MTMR10: variants seen among roughly 807,000 people sequenced by gnomAD.
MTMR10 encodes the protein myotubularin related protein 10.
In MTMR10, 56 loss-of-function variants were observed where a neutral mutation model predicts 88.1. That is an observed-to-expected ratio of 0.64 (90% CI 0.51 to 0.79). The LOEUF is 0.79. MTMR10 is among the 30% of genes least tolerant of loss of function. MTMR10 has a pLI of 0.00. For missense variants in MTMR10, 883 were observed against 924.7 expected (o/e 0.95, Z 0.58); for synonymous variants, 380 against 340.9 (o/e 1.11, Z -1.26).
At position 30,959,259 on chromosome 15, in the gene MTMR10, G is replaced by A. The variant is rs530011713; in HGVS notation, c.759-138C>T. The A allele has an allele frequency of 3.0e-5, 22 of 722,998 alleles. No homozygotes were observed. The South Asian group carries it at 3.9e-4, about 13-fold the overall frequency. 44.8% of individuals were successfully genotyped at this position (722,998 alleles called of 1,614,324 possible). A position where few individuals can be genotyped will look rare whatever the true frequency, so the allele number is the denominator to read the frequency against. On this transcript the variant is annotated intron_variant, in intron 7 of 15. Transcript: ENST00000435680. ...TTAGTAGCCACATGGTGGGCACCAT[G>A]GGGGGGCAGTGACGATCCTACACCT...
At chr15:30,928,631 C>T in the MTMR10 span, 27 of 1,613,496 alleles carry the variant, frequency 1.7e-5, no homozygotes, top group East Asian at 4.5e-5. Flanking sequence ...GATGGGATTC[C>T]GGATGTCTTC....
In MTMR10 at chr15:30,960,948, T is replaced by C. The variant is rs2063393525; in HGVS notation, c.691A>G (p.Ile231Val). Residue 231 changes from isoleucine (I) to valine (V), a missense_variant, in exon 7 of 16, where the codon ATC becomes GTC. Coordinates refer to ENST00000435680, the MANE Select transcript of MTMR10 (RefSeq NM_017762.3). ...CACCCGGAAGCACCTGTCCTCTTGA[T>C]TTCTCTGTCCCAATCCGAGTAAGTT... ...FETYSDWDRE[I>V]KRTGASGWRV... The C allele has an allele frequency of 6.2e-7, 1 of 1,611,838 alleles. No individual in the cohort carries two copies. Among genetic ancestry groups the C allele is most frequent in the African/African-American group, 1.3e-5 (1 of 74,900 alleles).
At chr15:30,935,641 G>C (rs928501412), downstream of MTMR10, among the ~76,000 whole-genome samples, 5 of 152,226 alleles carry the variant, frequency 3.3e-5, no homozygotes, top group South Asian at 4.2e-4. Flanking sequence ...GGTAACAGAG[G>C]GGGTCCTTGA....
At chr15:30,965,284 T>G (rs2063459715) in intron 6 of MTMR10, among the ~76,000 whole-genome samples, 1 of 152,220 alleles carries the variant, frequency 6.6e-6, no homozygotes, top group Non-Finnish European at 1.5e-5. Flanking sequence ...AATAACAAGA[T>G]CTATGTTAAT....
At chr15:30,931,785 G>C in the MTMR10 span, among the ~76,000 whole-genome samples, 4 of 152,166 alleles carry the variant, frequency 2.6e-5, no homozygotes, top group Non-Finnish European at 5.9e-5. Context: ...CTGTTTGTCT[G>C]TATTTCTTGA....
chr15:30,943,852 CA>C, intron 14 of MTMR10: 1 of 985,410 alleles, frequency 1.0e-6, no homozygotes, highest in Non-Finnish European at 1.2e-6. Context: ...TCACATTTAG[CA>C]ATGTGGAGAA....
downstream of MTMR10, chr15:30,936,993 C>A: frequency 2.7e-6 from 2 of 744,800 alleles, no homozygotes; most frequent in East Asian, 2.5e-5. Flanking sequence ...ATTTGTGTTA[C>A]ACTTACAAAT....
chr15:30,968,578 A>AC (rs1555410069), intron 5 of MTMR10, among the ~76,000 whole-genome samples: 25 of 91,658 alleles, frequency 2.7e-4, no homozygotes, highest in African/African-American at 1.2e-3. Context: ...CACACACACA[A>AC]ACTGTGTTTA....
Position 30,947,147 on chromosome 15 carries a change from G to A in MTMR10, c.1531C>T (p.Arg511Ter), listed in dbSNP as rs1354565885. ...GTFLFNSPHQ[R>*]VKQSTEFAIS... The stretch of plus-strand genomic sequence containing the variant: ...TTGCTTACCGTGCTTTGCTTCACTC[G>A]CTGGTGAGGGGAGTTGAACAGGAAG... Residue 511 changes from arginine (R) to a stop codon, truncating the protein, a stop_gained, in exon 14 of 16, where the codon CGA becomes TGA. Coordinates refer to ENST00000435680, the MANE Select transcript of MTMR10 (RefSeq NM_017762.3). LOFTEE classifies it high-confidence loss of function. 6 of 1,606,144 alleles carry A rather than the reference G, an allele frequency of 3.7e-6. No individual in the cohort carries two copies. The highest frequency in any genetic ancestry group is 3.4e-6 in the Non-Finnish European group (4 of 1,177,112).
intron 2 of MTMR10, among the ~76,000 whole-genome samples, chr15:30,989,069 T>C (rs146326240): frequency 8.5e-5 from 13 of 152,114 alleles, no homozygotes; most frequent in African/African-American, 3.1e-4. Flanking sequence ...GACCATGTTG[T>C]TTCTGAGTGT....
At chr15:30,920,929 G>A in the MTMR10 span, among the ~76,000 whole-genome samples, 4 of 152,100 alleles carry the variant, frequency 2.6e-5, no homozygotes, top group Admixed American at 6.5e-5. Context: ...GACTACAGGC[G>A]TGCGCCACCA....
intron 9 of MTMR10, among the ~76,000 whole-genome samples, chr15:30,957,839 G>T (rs1043119518): frequency 6.6e-6 from 1 of 152,216 alleles, no homozygotes; most frequent in Non-Finnish European, 1.5e-5. Context: ...AAGTCCAGGG[G>T]GCTGGAGCCC....
rs541335152 is a variant in MTMR10, at chr15:30,960,911, G to A, written c.728C>T (p.Ser243Phe). Residue 243 changes from serine (S) to phenylalanine (F), a missense_variant, in exon 7 of 16, where the codon TCT becomes TTT. Physicochemically the swap from Ser to Phe is radical, Grantham distance 155. Transcript: ENST00000435680. ...RTGASGWRVC[S>F]INEGYMISTC... ...GGATATCATGTAACCCTCGTTAATA[G>A]AACAAACTCTCCACCCGGAAGCACC... The A allele has an allele frequency of 1.2e-6, 2 of 1,612,142 alleles. No individual in the cohort carries two copies. The highest frequency in any genetic ancestry group is 8.5e-7 in the Non-Finnish European group (1 of 1,178,676).
chr15:30,985,167 T>C (rs553248012), intron 2 of MTMR10, among the ~76,000 whole-genome samples: 32 of 152,292 alleles, frequency 2.1e-4, no homozygotes, highest in African/African-American at 7.7e-4. Context: ...CTGCAAATCT[T>C]ACATCCTCAA....
At chr15:30,973,297 C>G (rs1168977484) in intron 5 of MTMR10, among the ~76,000 whole-genome samples, 1 of 152,064 alleles carries the variant, frequency 6.6e-6, no homozygotes, top group Non-Finnish European at 1.5e-5. Context: ...AGCCTACAAC[C>G]ACTCTACTCT....
chr15:30,929,896 A>AAT, the MTMR10 span, among the ~76,000 whole-genome samples: 51 of 73,106 alleles, frequency 7.0e-4, no homozygotes, highest in Admixed American at 7.5e-3. Context: ...TATCATATAT[A>AAT]ATATATAAAA....
chr15:30,975,062 A>G (rs1313163326), intron 3 of MTMR10, 59 bp from the exon 4 acceptor site: 5 of 1,279,642 alleles, frequency 3.9e-6, no homozygotes, highest in East Asian at 2.6e-5. Flanking sequence ...CAATGGTAGT[A>G]TAAGCCTTAA....
chr15:30,922,501 C>T, the MTMR10 span: 1 of 860,318 alleles, frequency 1.2e-6, no homozygotes, highest in Non-Finnish European at 1.8e-6. Flanking sequence ...GTTCTTCCAA[C>T]CCCAAAAGAA....
intron 5 of MTMR10, among the ~76,000 whole-genome samples, chr15:30,970,459 G>A (rs1443979981): frequency 6.6e-6 from 1 of 152,160 alleles, no homozygotes; most frequent in African/African-American, 2.4e-5. Flanking sequence ...GTAAAGATCT[G>A]AAGATGTCTG....
Sources: gnomAD v4.1 joint callset for allele counts (sites outside exome capture counted in the v4.1 genomes callset) on GRCh38, gnomAD v4.1.1 for gene constraint, MANE v1.5 for transcripts, NCBI Gene and HGNC (gene_info 2026-07-23, HGNC 2026-07-21) for gene names.